Variants in GSTCD observed in about 807,000 individuals in gnomAD.
GSTCD encodes the protein glutathione S-transferase C-terminal domain containing, also known as glutathione S-transferase C-terminal domain-containing protein.
Under a neutral mutation model 68.3 loss-of-function variants are expected in GSTCD, and 44 were observed. The observed-to-expected ratio is 0.64, with a 90% CI of 0.51 to 0.83. GSTCD has a LOEUF of 0.83. Among genes scored for constraint, GSTCD ranks in the 40% least tolerant of loss-of-function variants. The pLI is 0.00. For missense variants in GSTCD, 739 were observed against 735.9 expected, an observed-to-expected ratio of 1.00 and a Z score of -0.05; for synonymous variants, 273 against 255.2, an observed-to-expected ratio of 1.07 and a Z score of -0.67.
chr4:105,757,734 G>T (rs545794494), intron 5 of GSTCD, among the ~76,000 whole-genome samples: 1 of 152,184 alleles, frequency 6.6e-6, no homozygotes, highest in South Asian at 2.1e-4. Flanking sequence ...AATTGTAAAT[G>T]CTGCATTGTA....
chr4:105,717,510 C>A, intron 1 of GSTCD, 83 bp from the exon 2 acceptor site: 1 of 881,720 alleles, frequency 1.1e-6, no homozygotes, highest in South Asian at 2.0e-5. Flanking sequence ...ATTTCTAGAA[C>A]AGGCTTTTGA....
intron 5 of GSTCD, among the ~76,000 whole-genome samples, chr4:105,732,639 C>A (rs1733291560): frequency 6.6e-6 from 1 of 152,040 alleles, no homozygotes; most frequent in Non-Finnish European, 1.5e-5. Context: ...TTCAAAAAAC[C>A]AGCTCCTGGA....
At chr4:105,779,359 A>G (rs1375978088) in intron 5 of GSTCD, among the ~76,000 whole-genome samples, 1 of 152,184 alleles carries the variant, frequency 6.6e-6, no homozygotes, top group East Asian at 1.9e-4. Context: ...TAGAAGTGAT[A>G]TTTTCTTCTC....
chr4:105,720,638 A>G (rs532124636), intron 3 of GSTCD, among the ~76,000 whole-genome samples: 1 of 152,320 alleles, frequency 6.6e-6, no homozygotes, highest in African/African-American at 2.4e-5. Context: ...TTTAAATGCC[A>G]GATGTCATAT....
At chr4:105,842,456 T>G (rs1317352720) in intron 11 of GSTCD, among the ~76,000 whole-genome samples, 1 of 152,204 alleles carries the variant, frequency 6.6e-6, no homozygotes, top group African/African-American at 2.4e-5. Context: ...TAATAAAGAT[T>G]AAAAAGTCAA....
At chr4:105,758,321 A>G (rs912913820) in intron 5 of GSTCD, among the ~76,000 whole-genome samples, 1 of 152,064 alleles carries the variant, frequency 6.6e-6, no homozygotes, top group African/African-American at 2.4e-5. Flanking sequence ...CCCAAATCTC[A>G]TGTTGAATTG....
rs754213274 is a variant in GSTCD at position 105,719,359 on chromosome 4, A to C, written c.726A>C (p.Ala242=). Residue 242 remains alanine (A), a synonymous_variant, in exon 3 of 12, where the codon GCA becomes GCC. Coordinates refer to ENST00000515279, the MANE Select transcript of GSTCD (RefSeq NM_001370181.1). ...SSSKSLELKV[A]FSKLTVQEEP... is the part of the protein sequence containing the mutation. ...CCAAGAGTCTGGAACTGAAAGTGGC[A>C]TTCTCAAAGCTCACAGTACAGGAAG... is the stretch of plus-strand genomic sequence containing the variant. 4 of 1,614,148 alleles carry C rather than the reference A, an allele frequency of 2.5e-6. No individual in the cohort carries two copies. The South Asian group carries it at 4.4e-5, about 18-fold the overall frequency.
At chr4:105,710,454 C>A (rs1407651607) in intron 1 of GSTCD, among the ~76,000 whole-genome samples, 2 of 148,188 alleles carry the variant, frequency 1.3e-5, no homozygotes, top group East Asian at 4.0e-4. Flanking sequence ...GTCTCAAACT[C>A]CTGACCTCAA....
intron 5 of GSTCD, among the ~76,000 whole-genome samples, chr4:105,733,737 A>T (rs1471913990): frequency 2.0e-5 from 3 of 152,148 alleles, no homozygotes; most frequent in African/African-American, 7.2e-5. Flanking sequence ...TTATGATGTT[A>T]GCTGGTTATT....
chr4:105,758,883 CATT>C (rs1381116230), intron 5 of GSTCD, among the ~76,000 whole-genome samples: 3 of 152,046 alleles, frequency 2.0e-5, no homozygotes, highest in African/African-American at 7.2e-5. Context: ...AGGGAAAACT[CATT>C]GTTTTATTTT....
Position 105,808,905 on chromosome 4 carries a change from TTGA to T in GSTCD, c.1241-14044_1241-14042del, listed in dbSNP as rs1250313203. On this transcript the variant is annotated intron_variant, in intron 5 of 11. Coordinates refer to ENST00000515279, the MANE Select transcript of GSTCD (RefSeq NM_001370181.1). ...GCCTGATGGTCACTTAGTAGCTATC[TTGA>T]TGATCAGATCGACAGCTGCAATATT... is the stretch of plus-strand genomic sequence containing the variant. 2.0e-5 allele frequency among the ~76,000 whole-genome samples: 3 copies of T among 152,110 alleles called. No individual in the cohort carries two copies. In the East Asian group the frequency reaches 5.8e-4, roughly 29 times the overall value.
intron 5 of GSTCD, among the ~76,000 whole-genome samples, chr4:105,754,727 G>A (rs1734120568): frequency 6.6e-6 from 1 of 152,018 alleles, no homozygotes; most frequent in Admixed American, 6.6e-5. Flanking sequence ...TTGTGGCAGT[G>A]TGCACATCTA....
intron 5 of GSTCD, among the ~76,000 whole-genome samples, chr4:105,751,533 C>G (rs1336684064): frequency 6.6e-6 from 1 of 152,088 alleles, no homozygotes; most frequent in Non-Finnish European, 1.5e-5. Flanking sequence ...GTTGCTATTC[C>G]TAAGCTCACA....
At chr4:105,755,818 A>C (rs1270903921) in intron 5 of GSTCD, among the ~76,000 whole-genome samples, 1 of 152,236 alleles carries the variant, frequency 6.6e-6, no homozygotes, top group Non-Finnish European at 1.5e-5. Flanking sequence ...ACAAAATGGA[A>C]TTAATAAAGA....
At chr4:105,736,948 TC>T (rs1733483169) in intron 5 of GSTCD, among the ~76,000 whole-genome samples, 1 of 152,198 alleles carries the variant, frequency 6.6e-6, no homozygotes, top group African/African-American at 2.4e-5. Context: ...TGGATAGTAC[TC>T]CATCATATAT....
intron 5 of GSTCD, chr4:105,815,147 C>T (rs1722922953): frequency 6.6e-6 from 1 of 152,126 alleles, no homozygotes; most frequent in South Asian, 2.1e-4. Flanking sequence ...AAGCTTAGTG[C>T]CTTTTCATAA....
chr4:105,744,552 T>G (rs1733739652), intron 5 of GSTCD, among the ~76,000 whole-genome samples: 1 of 152,242 alleles, frequency 6.6e-6, no homozygotes, highest in African/African-American at 2.4e-5. Context: ...AAATTTTTAT[T>G]TTATTAAGTG....
chr4:105,728,761 T>C (rs994461215), intron 4 of GSTCD, among the ~76,000 whole-genome samples: 1 of 151,986 alleles, frequency 6.6e-6, no homozygotes, highest in Non-Finnish European at 1.5e-5. Flanking sequence ...TGAATCCATG[T>C]GTATGCCATG....
intron 10 of GSTCD, among the ~76,000 whole-genome samples, chr4:105,841,211 C>T (rs1171440769): frequency 6.6e-6 from 1 of 151,652 alleles, no homozygotes; most frequent in Non-Finnish European, 1.5e-5. Flanking sequence ...GTAGTGCCAG[C>T]TACTCAGGAG....
Sources: gnomAD v4.1 joint callset for allele counts (sites outside exome capture counted in the v4.1 genomes callset) on GRCh38, gnomAD v4.1.1 for gene constraint, MANE v1.5 for transcripts, NCBI Gene and HGNC (gene_info 2026-07-23, HGNC 2026-07-21) for gene names.